RNF13: variants seen among roughly 807,000 people sequenced by gnomAD.
RNF13 encodes ring finger protein 13.
In RNF13, 19 loss-of-function variants were observed where a neutral mutation model predicts 37.7. The observed-to-expected ratio is 0.50, with a 90% CI of 0.35 to 0.74. RNF13 has a LOEUF of 0.74. Among genes scored for constraint, RNF13 ranks in the 30% least tolerant of loss-of-function variants. RNF13 has a pLI of 0.01. For synonymous variants in RNF13, 144 were observed against 157.8 expected (o/e 0.91, Z 0.65); for missense variants, 375 against 453.0 (o/e 0.83, Z 1.56).
chr3:149,869,474 C>T (rs991047425), intron 3 of RNF13, among the ~76,000 whole-genome samples: 7 of 150,976 alleles, frequency 4.6e-5, no homozygotes, highest in Admixed American at 6.6e-5. Flanking sequence ...GGCGTAGTGG[C>T]GGGCGCCTGT....
At chr3:149,861,066 C>T (rs574993014) in intron 3 of RNF13, among the ~76,000 whole-genome samples, 14 of 152,014 alleles carry the variant, frequency 9.2e-5, no homozygotes, top group African/African-American at 1.4e-4. Context: ...GAGATAGCAT[C>T]TTAATCCAGT....
intron 1 of RNF13, chr3:149,822,527 G>A (rs1023328140): frequency 8.5e-5 from 13 of 152,072 alleles, no homozygotes; most frequent in East Asian, 1.9e-4. Flanking sequence ...GCTGAATCAC[G>A]TGGGTAAATA....
chr3:149,936,431 T>G (rs1719683670), intron 8 of RNF13, among the ~76,000 whole-genome samples: 1 of 152,074 alleles, frequency 6.6e-6, no homozygotes, highest in Non-Finnish European at 1.5e-5. Context: ...TACTCTCCTA[T>G]GTCTCCTCTC....
intron 4 of RNF13, among the ~76,000 whole-genome samples, chr3:149,884,534 T>C (rs1489280446): frequency 6.6e-6 from 1 of 152,138 alleles, no homozygotes; most frequent in Admixed American, 6.6e-5. Context: ...GGTCTCACTG[T>C]ATGCATGCAT....
At chr3:149,900,610 G>A (rs1362024957) in intron 5 of RNF13, among the ~76,000 whole-genome samples, 3 of 151,894 alleles carry the variant, frequency 2.0e-5, no homozygotes, top group African/African-American at 7.2e-5. Flanking sequence ...AAAAATAAAT[G>A]ATGAGGTAGA....
chr3:149,956,589 CAT>C (rs1721889768), intron 8 of RNF13, among the ~76,000 whole-genome samples: 1 of 152,182 alleles, frequency 6.6e-6, no homozygotes. Context: ...TGTCCAGCTA[CAT>C]GTTTTAACAT....
intron 4 of RNF13, among the ~76,000 whole-genome samples, chr3:149,889,964 C>G (rs990911448): frequency 1.3e-5 from 2 of 152,200 alleles, no homozygotes; most frequent in Non-Finnish European, 2.9e-5. Context: ...CATGAGCTAT[C>G]GCGCCCGGCC....
rs556936802 is a variant in RNF13, at chr3:149,869,562, C to T, written c.196-2467C>T. 7.9e-5 allele frequency among the ~76,000 whole-genome samples: 12 copies of T among 151,548 alleles called. No individual in the cohort carries two copies. In the East Asian group the frequency reaches 1.4e-3, roughly 17 times the overall value. On this transcript the variant is annotated intron_variant, in intron 3 of 9. Coordinates refer to ENST00000392894, the MANE Select transcript of RNF13 (RefSeq NM_183381.3). ...CGGAGCTTGCAGTGAGCCGAGATCCCGCCACTGCACTCCAGCCTGGGCGAC... is the reference window on the plus strand; with the variant it reads ...CGGAGCTTGCAGTGAGCCGAGATCCTGCCACTGCACTCCAGCCTGGGCGAC...
At chr3:149,947,571 CT>C in intron 8 of RNF13, among the ~76,000 whole-genome samples, 1 of 151,922 alleles carries the variant, frequency 6.6e-6, no homozygotes, top group Admixed American at 6.6e-5. Flanking sequence ...CACCCAGGTA[CT>C]TTTTTGTATT....
At chr3:149,878,387 A>G (rs1228735634) in intron 4 of RNF13, among the ~76,000 whole-genome samples, 1 of 152,212 alleles carries the variant, frequency 6.6e-6, no homozygotes, top group Non-Finnish European at 1.5e-5. Flanking sequence ...AAATGTCATA[A>G]GAGCCTGATA....
intron 8 of RNF13, among the ~76,000 whole-genome samples, chr3:149,922,652 G>C (rs1235148387): frequency 2.6e-5 from 4 of 152,088 alleles, no homozygotes; most frequent in Non-Finnish European, 5.9e-5. Flanking sequence ...GTAGGTAGCT[G>C]TTATATATCA....
intron 1 of RNF13, among the ~76,000 whole-genome samples, chr3:149,836,586 T>C (rs1341176558): frequency 3.3e-5 from 5 of 151,742 alleles, no homozygotes; most frequent in Non-Finnish European, 7.4e-5. Flanking sequence ...GAAAGTAAAA[T>C]GGTGCAGCCA....
intron 1 of RNF13, among the ~76,000 whole-genome samples, chr3:149,816,547 C>G (rs1576701737): frequency 6.9e-6 from 1 of 144,268 alleles, no homozygotes. Context: ...AGGATGAGGT[C>G]ATTTGAAAGA....
intron 1 of RNF13, among the ~76,000 whole-genome samples, chr3:149,823,386 A>G (rs1209730923): frequency 6.6e-6 from 1 of 152,164 alleles, no homozygotes; most frequent in Admixed American, 6.5e-5. Context: ...TAACACCAAC[A>G]AAAGACCAAA....
chr3:149,950,600 G>A lies in RNF13; in HGVS notation c.701-9456G>A, dbSNP rs1033851277. On this transcript the variant is annotated intron_variant, in intron 8 of 9. Coordinates refer to ENST00000392894, the MANE Select transcript of RNF13 (RefSeq NM_183381.3). ...AGCCATCCTCCTGCCTCAGCCTCCT[G>A]AATAGCTGGGACTACTGGCACACAC... Among the ~76,000 whole-genome samples the A allele has an allele frequency of 4.8e-4, 73 of 151,700 alleles. 1 individual carries two copies. Among genetic ancestry groups the A allele is most frequent in the Admixed American group, 2.0e-4 (3 of 15,208 alleles).
intron 1 of RNF13, among the ~76,000 whole-genome samples, chr3:149,842,298 C>T (rs1342848107): frequency 1.3e-5 from 2 of 152,132 alleles, no homozygotes; most frequent in African/African-American, 4.8e-5. Flanking sequence ...CAGAAATTCT[C>T]AAATTGTACT....
At position 149,895,500 on chromosome 3, in the gene RNF13, A is replaced by C. The variant is rs745920621; in HGVS notation, c.349A>C (p.Lys117Gln). 3 of 1,606,932 alleles carry C rather than the reference A, an allele frequency of 1.9e-6. No individual in the cohort carries two copies. The South Asian group carries it at 3.3e-5, about 18-fold the overall frequency. ...TTTAAATGCACAGAGAGCAGGATAC[A>C]AGGCAGCCATAGTTCACAATGTTGA... ...KVLNAQRAGY[K>Q]AAIVHNVDSD... The change falls in exon 5 of 10, where the codon AAG becomes CAG. Residue 117 changes from lysine (K) to glutamine (Q), a missense_variant. Coordinates refer to ENST00000392894, the MANE Select transcript of RNF13 (RefSeq NM_183381.3).
At chr3:149,933,546 A>T (rs1719372067) in intron 8 of RNF13, among the ~76,000 whole-genome samples, 1 of 150,930 alleles carries the variant, frequency 6.6e-6, no homozygotes, top group Non-Finnish European at 1.5e-5. Flanking sequence ...AACTGTACTG[A>T]ATTTGCTATA....
intron 5 of RNF13, 44 bp downstream of exon 5, chr3:149,895,604 A>G: frequency 8.0e-7 from 1 of 1,247,322 alleles, no homozygotes; most frequent in Non-Finnish European, 1.1e-6. Flanking sequence ...TTGACAGATC[A>G]TTTGTAACTA....
Sources: gnomAD v4.1 joint callset for allele counts (sites outside exome capture counted in the v4.1 genomes callset) on GRCh38, gnomAD v4.1.1 for gene constraint, MANE v1.5 for transcripts, NCBI Gene and HGNC (gene_info 2026-07-23, HGNC 2026-07-21) for gene names.